PPHLN1: variants seen among roughly 807,000 people sequenced by gnomAD.
PPHLN1 encodes the protein periphilin 1.
PPHLN1 carries 29 observed loss-of-function variants against 51.3 expected under a neutral mutation model. The observed-to-expected ratio is 0.57, with a 90% CI of 0.42 to 0.77. PPHLN1 has a LOEUF of 0.77. PPHLN1 is among the 30% of genes least tolerant of loss of function. The pLI is 0.00. For missense variants in PPHLN1, 436 were observed against 438.4 expected (o/e 0.99, Z 0.05); for synonymous variants, 147 against 147.8 (o/e 0.99, Z 0.04).
chr12:42,371,104 G>T (rs2075755843), intron 4 of PPHLN1, among the ~76,000 whole-genome samples: 1 of 139,786 alleles, frequency 7.2e-6, no homozygotes, highest in African/African-American at 2.6e-5. Context: ...ACCTCGCCCA[G>T]CCTGGTGTTT....
chr12:42,370,284 A>C (rs1377620020), intron 4 of PPHLN1, among the ~76,000 whole-genome samples: 1 of 152,216 alleles, frequency 6.6e-6, no homozygotes, highest in Non-Finnish European at 1.5e-5. Flanking sequence ...GCAAATGCTG[A>C]GGCAGGTAGG....
chr12:42,353,132 C>T (rs1276707247), intron 3 of PPHLN1, among the ~76,000 whole-genome samples: 1 of 152,042 alleles, frequency 6.6e-6, no homozygotes, highest in African/African-American at 2.4e-5. Context: ...TTACAACTCG[C>T]TTCTCTTGAG....
At chr12:42,340,950 A>C (rs11181439) in intron 2 of PPHLN1, among the ~76,000 whole-genome samples, 1 of 150,680 alleles carries the variant, frequency 6.6e-6, no homozygotes, top group Non-Finnish European at 1.5e-5. Context: ...ACAATTTTAC[A>C]GAATTTCTCT....
chr12:42,426,172 C>CACACACACACA (rs2081440159), intron 9 of PPHLN1, among the ~76,000 whole-genome samples: 2 of 122,126 alleles, frequency 1.6e-5, no homozygotes, highest in African/African-American at 3.5e-5. Flanking sequence ...AGACTTGACA[C>CACACACACACA]CACACACACA....
intron 4 of PPHLN1, among the ~76,000 whole-genome samples, chr12:42,366,838 G>A (rs1204050564): frequency 2.6e-5 from 4 of 152,168 alleles, no homozygotes; most frequent in Admixed American, 6.5e-5. Flanking sequence ...GTCCTAAAAA[G>A]GGAAATACTA....
At chr12:42,385,403 C>A (rs2077111333) in intron 6 of PPHLN1, among the ~76,000 whole-genome samples, 2 of 152,178 alleles carry the variant, frequency 1.3e-5, no homozygotes, top group African/African-American at 2.4e-5. Context: ...ATATGATAAA[C>A]CTCCTGCACC....
chr12:42,382,392 A>AT (rs938571941), intron 5 of PPHLN1, among the ~76,000 whole-genome samples: 17 of 152,058 alleles, frequency 1.1e-4, no homozygotes, highest in African/African-American at 3.1e-4. Flanking sequence ...CACTTTCAGA[A>AT]TTTTTTTTCT....
At chr12:42,424,377 A>C (rs1189947683) in intron 9 of PPHLN1, among the ~76,000 whole-genome samples, 1 of 152,200 alleles carries the variant, frequency 6.6e-6, no homozygotes, top group African/African-American at 2.4e-5. Flanking sequence ...ATTTTCTTCC[A>C]TAATTTCCCT....
rs2078543061 is a variant in PPHLN1 at position 42,398,946 on chromosome 12, A to G, written c.861A>G (p.Leu287=). The G allele has an allele frequency of 1.9e-6, 3 of 1,614,020 alleles. No homozygotes were observed. Among genetic ancestry groups the G allele is most frequent in the Admixed American group, 3.3e-5 (2 of 60,012 alleles). ...TAGAATTATTTGAAGATAGTCAGCTAACCACTCGCTCTAAAGCAATAGCAT... is the reference window on the plus strand; with the variant it reads ...TAGAATTATTTGAAGATAGTCAGCTGACCACTCGCTCTAAAGCAATAGCAT... The part of the protein sequence containing the change: ...HGIELFEDSQ[L]TTRSKAIASK... The change falls in exon 9 of 10, where the codon CTA becomes CTG. Residue 287 remains leucine, a synonymous_variant. Transcript: ENST00000358314.
chr12:42,394,929 A>G (rs561846378), intron 8 of PPHLN1, among the ~76,000 whole-genome samples: 10 of 152,206 alleles, frequency 6.6e-5, no homozygotes, highest in African/African-American at 2.4e-4. Flanking sequence ...GGAACCAAAA[A>G]CTTTCAAAAA....
intron 9 of PPHLN1, among the ~76,000 whole-genome samples, chr12:42,424,429 TTTCCTAGGTA>T (rs894391872): frequency 2.0e-5 from 3 of 152,222 alleles, no homozygotes; most frequent in Admixed American, 2.0e-4. Context: ...GCCATCCCTG[TTTCCTAGGTA>T]TTCCTTGGTA....
chr12:42,369,871 A>G (rs904015554), intron 4 of PPHLN1, among the ~76,000 whole-genome samples: 46 of 152,206 alleles, frequency 3.0e-4, no homozygotes, highest in African/African-American at 1.0e-3. Context: ...ATGAATTTCC[A>G]GGAGACCATT....
At chr12:42,367,862 G>T (rs569775500) in intron 4 of PPHLN1, among the ~76,000 whole-genome samples, 12 of 152,234 alleles carry the variant, frequency 7.9e-5, no homozygotes, top group African/African-American at 2.2e-4. Context: ...AGCCTCCCGA[G>T]CAGCTGGGAC....
Position 42,417,246 on chromosome 12 carries a change from G to A in PPHLN1, c.909+18252G>A, listed in dbSNP as rs190466322. Among the ~76,000 whole-genome samples, 6 of 152,304 alleles carry A rather than the reference G, an allele frequency of 3.9e-5. No homozygotes were observed. In the East Asian group the frequency reaches 1.2e-3, roughly 29 times the overall value. On this transcript the variant is annotated intron_variant, in intron 9 of 9. Transcript: ENST00000358314. ...ACTGAAGAGGAAAAACAGAATAACT[G>A]ATAAAGCAAGAGGGGCTATCAGTAG...
At chr12:42,374,270 A>G (rs1324944984) in intron 4 of PPHLN1, among the ~76,000 whole-genome samples, 1 of 152,124 alleles carries the variant, frequency 6.6e-6, no homozygotes, top group African/African-American at 2.4e-5. Flanking sequence ...TGTTTTTTAC[A>G]TTTTAGAATT....
intron 4 of PPHLN1, chr12:42,361,486 T>G (rs755920390): frequency 6.6e-6 from 1 of 152,206 alleles, no homozygotes; most frequent in Non-Finnish European, 1.5e-5. Flanking sequence ...TTTACTCCCT[T>G]AAAACAGACA....
At chr12:42,331,447 A>G (rs952880535) in intron 1 of PPHLN1, among the ~76,000 whole-genome samples, 6 of 152,238 alleles carry the variant, frequency 3.9e-5, no homozygotes, top group African/African-American at 1.2e-4. Context: ...CTCAATTTCC[A>G]TGACACTTTT....
At chr12:42,400,917 C>T (rs1056238505) in intron 9 of PPHLN1, among the ~76,000 whole-genome samples, 4 of 151,812 alleles carry the variant, frequency 2.6e-5, no homozygotes, top group Non-Finnish European at 4.4e-5. Context: ...TAGATATTTA[C>T]ATCTGTTGTG....
chr12:42,373,232 C>A (rs953821405), intron 4 of PPHLN1, among the ~76,000 whole-genome samples: 1 of 152,176 alleles, frequency 6.6e-6, no homozygotes, highest in Admixed American at 6.5e-5. Flanking sequence ...TTATTTAATA[C>A]CCATATCACC....
Sources: allele counts gnomAD v4.1 joint callset (sites outside exome capture counted in the v4.1 genomes callset), GRCh38; gene constraint gnomAD v4.1.1; transcripts MANE v1.5; gene names NCBI Gene and HGNC (gene_info 2026-07-23, HGNC 2026-07-21).